Variants in PLGRKT observed in about 807,000 individuals in gnomAD.
PLGRKT encodes the protein plasminogen receptor (KT).
PLGRKT carries 22 observed loss-of-function variants against 18.5 expected under a neutral mutation model. That is an observed-to-expected ratio of 1.19 (90% CI 0.85 to 1.70). PLGRKT has a LOEUF of 1.70. PLGRKT is among the 40% of genes most tolerant of loss of function. The probability of loss-of-function intolerance (pLI) is 0.00; values close to 1 mark genes in which losing one functional copy is unlikely to be tolerated. For missense variants in PLGRKT, 235 were observed against 174.4 expected (o/e 1.35, Z -1.96); for synonymous variants, 72 against 52.8 (o/e 1.36, Z -1.58).
intron 3 of PLGRKT, chr9:5,392,699 A>G (rs1344973206): frequency 6.6e-6 from 1 of 151,988 alleles, no homozygotes; most frequent in East Asian, 1.9e-4. Flanking sequence ...TGATCATAAA[A>G]TAAGAGAATA....
In PLGRKT at chr9:5,394,182, G is replaced by C. The variant is rs181354581; in HGVS notation, c.82-32294C>G. Among the ~76,000 whole-genome samples the C allele has an allele frequency of 6.1e-4, 93 of 151,916 alleles. 3 individuals carry two copies. Among genetic ancestry groups the C allele is most frequent in the African/African-American group, 2.1e-3 (86 of 41,212 alleles). On this transcript the variant is annotated intron_variant, in intron 3 of 5. Transcript: ENST00000223864. ...AATGATCTAGACTTTTTGATGTTGT[G>C]ACTAAGATTTATTTAATTCCTGGGA...
intron 3 of PLGRKT, among the ~76,000 whole-genome samples, chr9:5,412,272 CT>C (rs1393542978): frequency 6.6e-6 from 1 of 152,158 alleles, no homozygotes; most frequent in Non-Finnish European, 1.5e-5. Flanking sequence ...AACTAGATCC[CT>C]ATCTCATATC....
intron 5 of PLGRKT, among the ~76,000 whole-genome samples, chr9:5,360,743 T>C (rs1039245087): frequency 6.6e-6 from 1 of 152,244 alleles, no homozygotes; most frequent in Non-Finnish European, 1.5e-5. Flanking sequence ...TAGAAACAGA[T>C]GAGTTCTGTT....
chr9:5,437,737 C>T (rs546540961), intron 1 of PLGRKT, 52 bp downstream of exon 1: 1 of 152,396 alleles, frequency 6.6e-6, no homozygotes, highest in East Asian at 1.9e-4. Context: ...CGCTGACTGA[C>T]ATGGCCGGGC....
chr9:5,365,562 G>C (rs1252767629), intron 3 of PLGRKT, among the ~76,000 whole-genome samples: 2 of 152,160 alleles, frequency 1.3e-5, no homozygotes, highest in Admixed American at 6.5e-5. Context: ...GGCAGCGTGA[G>C]GGATGAAGAA....
At chr9:5,359,837 T>C (rs1817224143) in intron 5 of PLGRKT, among the ~76,000 whole-genome samples, 1 of 152,220 alleles carries the variant, frequency 6.6e-6, no homozygotes. Context: ...TACCAACCAG[T>C]TCTCTGAAAA....
At chr9:5,372,832 G>A (rs912066490) in intron 3 of PLGRKT, among the ~76,000 whole-genome samples, 2 of 152,170 alleles carry the variant, frequency 1.3e-5, no homozygotes, top group Admixed American at 1.3e-4. Context: ...ATGCTATTAG[G>A]GAGTTGGAAT....
intron 3 of PLGRKT, among the ~76,000 whole-genome samples, chr9:5,417,425 T>C (rs1028376271): frequency 2.0e-5 from 3 of 151,942 alleles, no homozygotes; most frequent in African/African-American, 4.8e-5. Context: ...ACTAGAAAAC[T>C]TTTAGAAAAA....
chr9:5,393,303 C>T (rs1274968358), intron 3 of PLGRKT, among the ~76,000 whole-genome samples: 2 of 151,822 alleles, frequency 1.3e-5, no homozygotes, highest in African/African-American at 4.9e-5. Context: ...GAAAAATGAA[C>T]ATCTTGTAAT....
chr9:5,366,320 T>C (rs1037402311), intron 3 of PLGRKT, among the ~76,000 whole-genome samples: 2 of 152,156 alleles, frequency 1.3e-5, no homozygotes, highest in African/African-American at 4.8e-5. Flanking sequence ...GTGCAGCAAG[T>C]TCTCTTAATG....
chr9:5,374,425 T>C (rs1393747213), intron 3 of PLGRKT, among the ~76,000 whole-genome samples: 1 of 152,230 alleles, frequency 6.6e-6, no homozygotes. Flanking sequence ...AGACAAGACA[T>C]GGTCTTTAAA....
rs532235328 is a variant in PLGRKT, at chr9:5,404,915, G to A, written c.81+26982C>T. On this transcript the variant is annotated intron_variant, in intron 3 of 5. Transcript: ENST00000223864. ...GCCCAAAAGCTTCTTAAGTTGATAA[G>A]CAACTTCAGCAAAGTCTGAGGATGC... is the stretch of plus-strand genomic sequence containing the variant. 5.3e-5 allele frequency among the ~76,000 whole-genome samples: 8 copies of A among 152,262 alleles called. No individual in the cohort carries two copies. In the East Asian group the frequency reaches 1.5e-3, roughly 29 times the overall value.
intron 3 of PLGRKT, among the ~76,000 whole-genome samples, chr9:5,431,471 T>A (rs887072607): frequency 6.8e-6 from 1 of 147,198 alleles, no homozygotes; most frequent in Non-Finnish European, 1.5e-5. Flanking sequence ...GAGGCAGAGG[T>A]TGCAGTGAGC....
chr9:5,388,900 T>G (rs1371530228), intron 3 of PLGRKT, among the ~76,000 whole-genome samples: 1 of 152,078 alleles, frequency 6.6e-6, no homozygotes, highest in Non-Finnish European at 1.5e-5. Context: ...AAGTGCTAAA[T>G]AAGTATTAGG....
chr9:5,421,564 T>G (rs1490276477), intron 3 of PLGRKT, among the ~76,000 whole-genome samples: 1 of 152,248 alleles, frequency 6.6e-6, no homozygotes, highest in African/African-American at 2.4e-5. Flanking sequence ...CAGGGGCTCC[T>G]CAATAAACAT....
chr9:5,416,923 A>G (rs1043663749), intron 3 of PLGRKT, among the ~76,000 whole-genome samples: 3 of 152,228 alleles, frequency 2.0e-5, no homozygotes, highest in African/African-American at 7.2e-5. Context: ...AGGAAATATT[A>G]AAAGTATTTT....
At chr9:5,389,222 A>G (rs1469894407) in intron 3 of PLGRKT, among the ~76,000 whole-genome samples, 1 of 151,976 alleles carries the variant, frequency 6.6e-6, no homozygotes, top group African/African-American at 2.4e-5. Context: ...AGTGAAAAAT[A>G]GTAAGGCTGC....
chr9:5,432,670 G>C (rs1299913190), intron 2 of PLGRKT, among the ~76,000 whole-genome samples: 2 of 152,128 alleles, frequency 1.3e-5, no homozygotes, highest in Admixed American at 6.5e-5. Context: ...ACTGGTTTTT[G>C]TATTTTTGGT....
intron 3 of PLGRKT, among the ~76,000 whole-genome samples, chr9:5,371,381 G>T (rs1276184510): frequency 6.6e-6 from 1 of 152,136 alleles, no homozygotes; most frequent in Admixed American, 6.5e-5. Context: ...GTTGTGGGAG[G>T]GAACCAGGTG....
Sources: allele counts gnomAD v4.1 joint callset (sites outside exome capture counted in the v4.1 genomes callset), GRCh38; gene constraint gnomAD v4.1.1; transcripts MANE v1.5; gene names NCBI Gene and HGNC (gene_info 2026-07-23, HGNC 2026-07-21).